The following GPC6 variants were observed in gnomAD, a reference collection of about 807,000 sequenced individuals.
The protein encoded by GPC6 is glypican-6.
In GPC6, 14 loss-of-function variants were observed where a neutral mutation model predicts 55.2. That is an observed-to-expected ratio of 0.25 (90% CI 0.17 to 0.40). The LOEUF (loss-of-function observed/expected upper bound fraction) is 0.40, where lower values mean the gene tolerates loss of function less well. Ranked by LOEUF, GPC6 falls within the 10% of genes least tolerant of loss-of-function variation. The pLI, the probability that GPC6 is intolerant of heterozygous loss-of-function variation, is 1.00. For missense variants in GPC6, 641 were observed against 708.5 expected (o/e 0.90, Z 1.08); for synonymous variants, 278 against 259.6 (o/e 1.07, Z -0.68).
At chr13:93,910,426 TA>T (rs1486034354) in intron 3 of GPC6, among the ~76,000 whole-genome samples, 2 of 152,116 alleles carry the variant, frequency 1.3e-5, no homozygotes. Context: ...GATATATCTT[TA>T]TTAGCAGCAT....
In GPC6 at chr13:94,175,986, A is replaced by AGAGAGAGAGAGAGAGAGC. The variant is rs1555304128; in HGVS notation, c.878-110356_878-110355insAGAGAGAGAGCGAGAGAG. On this transcript the variant is annotated intron_variant, in intron 4 of 8. Coordinates refer to ENST00000377047, the MANE Select transcript of GPC6 (RefSeq NM_005708.5). ...GAGAGAGAGAGAGAGAGAGAGAGAG[A>AGAGAGAGAGAGAGAGAGC]GAGAGAGCGAGCTTGTCCAATGGAG... Among the ~76,000 whole-genome samples the AGAGAGAGAGAGAGAGAGC allele has an allele frequency of 7.6e-5, 10 of 131,228 alleles. No individual in the cohort carries two copies. The South Asian group carries it at 7.7e-4, about 10-fold the overall frequency. 86.1% of individuals were successfully genotyped at this position (131,228 alleles called of 152,430 possible).
At chr13:94,385,869 A>G (rs1880380192) in intron 7 of GPC6, among the ~76,000 whole-genome samples, 1 of 152,218 alleles carries the variant, frequency 6.6e-6, no homozygotes, top group South Asian at 2.1e-4. Context: ...CTTTTGAATT[A>G]TGAGTTTTAA....
intron 4 of GPC6, among the ~76,000 whole-genome samples, chr13:94,098,106 T>G (rs9516350): frequency 0.2 from 29,803 of 152,216 alleles, 3,633 homozygotes; most frequent in Non-Finnish European, 0.28. Flanking sequence ...TATGAACTCA[T>G]GAAAATCAGA....
chr13:94,255,395 G>A (rs1891473463), intron 4 of GPC6, among the ~76,000 whole-genome samples: 1 of 152,058 alleles, frequency 6.6e-6, no homozygotes, highest in South Asian at 2.1e-4. Flanking sequence ...TTTTGGAAAT[G>A]ACATACAGTA....
At chr13:93,479,613 C>CG (rs1555303832) in intron 1 of GPC6, among the ~76,000 whole-genome samples, 5 of 142,072 alleles carry the variant, frequency 3.5e-5, no homozygotes, top group Admixed American at 7.2e-5. Context: ...GTGAGACCCC[C>CG]CCCCATCTCT....
At chr13:93,585,003 T>A (rs1877124529) in intron 2 of GPC6, among the ~76,000 whole-genome samples, 1 of 152,190 alleles carries the variant, frequency 6.6e-6, no homozygotes, top group African/African-American at 2.4e-5. Flanking sequence ...TTATAAACTT[T>A]AAAATCCAAC....
At chr13:94,252,300 T>C (rs1402701104) in intron 4 of GPC6, among the ~76,000 whole-genome samples, 1 of 152,188 alleles carries the variant, frequency 6.6e-6, no homozygotes, top group Non-Finnish European at 1.5e-5. Context: ...TACTGGCTGC[T>C]AAACAGTTTA....
chr13:94,180,735 TCAGAGGATTTTTTTCAAAAATCTA>T (rs1330190708), intron 4 of GPC6, among the ~76,000 whole-genome samples: 2 of 152,172 alleles, frequency 1.3e-5, no homozygotes, highest in Non-Finnish European at 2.9e-5. Flanking sequence ...AATAGGCAAG[TCAGAGGATTTTTTTCAAAAATCTA>T]CAGATTAATA....
chr13:94,001,381 G>A (rs1263055166), intron 3 of GPC6, among the ~76,000 whole-genome samples: 2 of 152,074 alleles, frequency 1.3e-5, no homozygotes, highest in Non-Finnish European at 1.5e-5. Context: ...TTTTAAACAT[G>A]TTTATTGCAT....
intron 2 of GPC6, among the ~76,000 whole-genome samples, chr13:93,814,939 A>C (rs1215073440): frequency 6.6e-6 from 1 of 152,174 alleles, no homozygotes; most frequent in African/African-American, 2.4e-5. Flanking sequence ...TTACAACAGA[A>C]GCTACCTATT....
chr13:93,830,674 T>C (rs1181387099), intron 3 of GPC6, 129 bp downstream of exon 3: 1 of 776,688 alleles, frequency 1.3e-6, no homozygotes, highest in Non-Finnish European at 2.1e-6. Flanking sequence ...GTCCTTGCTC[T>C]TAATCAGTTA....
intron 2 of GPC6, among the ~76,000 whole-genome samples, chr13:93,593,757 A>G (rs1357239146): frequency 6.6e-6 from 1 of 152,188 alleles, no homozygotes; most frequent in African/African-American, 2.4e-5. Context: ...GCCATGTTAA[A>G]AATATCAAAA....
At chr13:93,761,588 C>T (rs1283264781) in intron 2 of GPC6, among the ~76,000 whole-genome samples, 2 of 152,100 alleles carry the variant, frequency 1.3e-5, no homozygotes, top group East Asian at 3.9e-4. Context: ...GCAATCATAG[C>T]TCCCTGCAAC....
chr13:93,726,582 A>G (rs575254590), intron 2 of GPC6, among the ~76,000 whole-genome samples: 1 of 151,952 alleles, frequency 6.6e-6, no homozygotes, highest in South Asian at 2.1e-4. Flanking sequence ...GCAAATCTGT[A>G]ACATCTCCAC....
chr13:93,546,131 TAGA>T (rs1165346838), intron 2 of GPC6, among the ~76,000 whole-genome samples: 1 of 152,252 alleles, frequency 6.6e-6, no homozygotes, highest in African/African-American at 2.4e-5. Flanking sequence ...TTAGTATTTT[TAGA>T]AGGTGTGTTG....
At chr13:93,852,486 G>C (rs1888440028) in intron 3 of GPC6, among the ~76,000 whole-genome samples, 1 of 151,590 alleles carries the variant, frequency 6.6e-6, no homozygotes, top group South Asian at 2.1e-4. Context: ...ATTTCTACTG[G>C]AAATTTTCAG....
At chr13:93,337,660 C>T (rs1880096240) in intron 1 of GPC6, among the ~76,000 whole-genome samples, 1 of 152,144 alleles carries the variant, frequency 6.6e-6, no homozygotes, top group Non-Finnish European at 1.5e-5. Flanking sequence ...ACTGAAATGA[C>T]ATCAAATACA....
intron 1 of GPC6, among the ~76,000 whole-genome samples, chr13:93,475,390 A>G (rs1242669004): frequency 7.9e-6 from 1 of 126,654 alleles, no homozygotes; most frequent in Non-Finnish European, 1.7e-5. Flanking sequence ...TTCTTGCTGA[A>G]TGAAACTGTA....
At chr13:93,749,396 A>C (rs1884503020) in intron 2 of GPC6, among the ~76,000 whole-genome samples, 1 of 151,822 alleles carries the variant, frequency 6.6e-6, no homozygotes, top group South Asian at 2.1e-4. Flanking sequence ...GCAGTACAGA[A>C]TTTTTTCTTT....
Sources: allele counts gnomAD v4.1 joint callset (sites outside exome capture counted in the v4.1 genomes callset), GRCh38; gene constraint gnomAD v4.1.1; transcripts MANE v1.5; gene names NCBI Gene and HGNC (gene_info 2026-07-23, HGNC 2026-07-21).